CXCL13: variants seen among roughly 807,000 people sequenced by gnomAD.
The protein encoded by CXCL13 is C-X-C motif chemokine ligand 13.
Under a neutral mutation model 12.2 loss-of-function variants are expected in CXCL13, and 7 were observed. That is an observed-to-expected ratio of 0.57 (90% CI 0.33 to 1.07). CXCL13 has a LOEUF of 1.07. Among genes scored for constraint, CXCL13 ranks in the 50% least tolerant of loss-of-function variants. CXCL13 has a pLI of 0.04. For synonymous variants in CXCL13, 47 were observed against 42.4 expected, an observed-to-expected ratio of 1.11 and a Z score of -0.42; for missense variants, 113 against 127.4, an observed-to-expected ratio of 0.89 and a Z score of 0.55.
At chr4:77,512,112 A>G (rs1724291677) in intron 1 of CXCL13, among the ~76,000 whole-genome samples, 1 of 152,166 alleles carries the variant, frequency 6.6e-6, no homozygotes, top group South Asian at 2.1e-4. Flanking sequence ...AGCTCATTCG[A>G]CTTAAACTGT....
At chr4:77,568,971 G>A (rs918098823) in intron 1 of CXCL13, among the ~76,000 whole-genome samples, 6 of 152,176 alleles carry the variant, frequency 3.9e-5, no homozygotes, top group Non-Finnish European at 5.9e-5. Context: ...GAAAGACTTA[G>A]AAAAACTTCT....
intron 1 of CXCL13, among the ~76,000 whole-genome samples, chr4:77,536,179 C>T (rs1473367394): frequency 6.6e-6 from 1 of 151,980 alleles, no homozygotes; most frequent in Non-Finnish European, 1.5e-5. Flanking sequence ...GTGGAGCTGG[C>T]AAAACTGGCA....
intron 1 of CXCL13, among the ~76,000 whole-genome samples, chr4:77,546,860 T>A (rs1017497793): frequency 6.6e-6 from 1 of 152,228 alleles, no homozygotes; most frequent in African/African-American, 2.4e-5. Context: ...CTTTCCTGCT[T>A]TCTCTTATGG....
intron 1 of CXCL13, among the ~76,000 whole-genome samples, chr4:77,515,949 A>G (rs996333181): frequency 4.6e-5 from 7 of 152,194 alleles, no homozygotes; most frequent in Non-Finnish European, 4.4e-5. Context: ...TGGGTTTGTC[A>G]TAGATAGCTC....
At chr4:77,557,854 C>T (rs1315376455) in intron 1 of CXCL13, among the ~76,000 whole-genome samples, 2 of 152,190 alleles carry the variant, frequency 1.3e-5, no homozygotes, top group Non-Finnish European at 2.9e-5. Flanking sequence ...ACACAGCATA[C>T]TCACCCTGGT....
intron 1 of CXCL13, among the ~76,000 whole-genome samples, chr4:77,565,229 A>G (rs901189040): frequency 3.3e-5 from 5 of 152,230 alleles, no homozygotes; most frequent in Admixed American, 2.0e-4. Flanking sequence ...TTCTACAGCT[A>G]AAAATACACT....
chr4:77,609,538 C>T (rs1190065551), intron 2 of CXCL13, among the ~76,000 whole-genome samples: 1 of 151,984 alleles, frequency 6.6e-6, no homozygotes, highest in Non-Finnish European at 1.5e-5. Flanking sequence ...AGGCTCCTGG[C>T]CTCAAGCAAT....
At chr4:77,557,656 C>G (rs1469520502) in intron 1 of CXCL13, among the ~76,000 whole-genome samples, 2 of 152,216 alleles carry the variant, frequency 1.3e-5, no homozygotes, top group African/African-American at 4.8e-5. Context: ...CACCTGTTTT[C>G]TATTGTGTGC....
chr4:77,531,400 G>A (rs530235665), intron 1 of CXCL13, among the ~76,000 whole-genome samples: 1 of 150,146 alleles, frequency 6.7e-6, no homozygotes, highest in Admixed American at 6.7e-5. Flanking sequence ...ATTGCACTGT[G>A]GTCTGAGAGA....
At chr4:77,587,717 A>C (rs1306824260) in intron 1 of CXCL13, among the ~76,000 whole-genome samples, 1 of 152,252 alleles carries the variant, frequency 6.6e-6, no homozygotes, top group Non-Finnish European at 1.5e-5. Flanking sequence ...CCATGAAACT[A>C]GTAAGAGGAA....
chr4:77,607,499 T>A (rs561151525), intron 1 of CXCL13, among the ~76,000 whole-genome samples: 1 of 152,318 alleles, frequency 6.6e-6, no homozygotes, highest in African/African-American at 2.4e-5. Context: ...AAAGCTAACT[T>A]TATTTTTAAA....
chr4:77,543,403 G>T (rs911973686), intron 1 of CXCL13, among the ~76,000 whole-genome samples: 3 of 151,744 alleles, frequency 2.0e-5, no homozygotes, highest in Non-Finnish European at 4.4e-5. Context: ...CTAGCTTTGG[G>T]GTTAGCTCAT....
chr4:77,609,502 A>G (rs1727095203), intron 2 of CXCL13, among the ~76,000 whole-genome samples: 1 of 151,762 alleles, frequency 6.6e-6, no homozygotes, highest in South Asian at 2.1e-4. Flanking sequence ...TTATTTCTGT[A>G]GAGATGGGGT....
intron 1 of CXCL13, among the ~76,000 whole-genome samples, chr4:77,580,288 T>TA (rs1726288744): frequency 7.7e-6 from 1 of 129,236 alleles, no homozygotes; most frequent in African/African-American, 2.8e-5. Context: ...ATATATTTTT[T>TA]AAAAAGACAA....
intron 1 of CXCL13, among the ~76,000 whole-genome samples, chr4:77,548,304 G>A (rs1725425477): frequency 6.6e-6 from 1 of 152,150 alleles, no homozygotes; most frequent in Admixed American, 6.5e-5. Flanking sequence ...GAAACATTCA[G>A]CAAGGTCTTT....
chr4:77,576,586 C>G (rs941801322), intron 1 of CXCL13, among the ~76,000 whole-genome samples: 51 of 152,152 alleles, frequency 3.4e-4, no homozygotes, highest in African/African-American at 1.2e-3. Context: ...AAAAATGTCA[C>G]TTTCTGACAG....
chr4:77,606,886 T>G (rs2109837824), intron 1 of CXCL13, among the ~76,000 whole-genome samples: 1 of 152,364 alleles, frequency 6.6e-6, no homozygotes, highest in African/African-American at 2.4e-5. Flanking sequence ...TTGGCTTAGA[T>G]TTCATTAGAT....
intron 1 of CXCL13, among the ~76,000 whole-genome samples, chr4:77,555,838 A>T (rs920358576): frequency 2.0e-5 from 3 of 152,166 alleles, no homozygotes; most frequent in Non-Finnish European, 2.9e-5. Context: ...TAAAAAGATG[A>T]GAATGATCAA....
rs573763480 is a variant in CXCL13 at position 77,569,680 on chromosome 4, C to T, written c.-42-36144C>T. Among the ~76,000 whole-genome samples, 12 of 152,230 alleles carry T rather than the reference C, an allele frequency of 7.9e-5. 1 individual carries two copies. The highest frequency in any genetic ancestry group is 7.2e-4 in the Admixed American group (11 of 15,294). Reference sequence around the variant, plus strand: ...GCTCACGGATAGGAAGAATCAATATCGTTAAAATGGTCATACTGCCCAAAG... The same window carrying T: ...GCTCACGGATAGGAAGAATCAATATTGTTAAAATGGTCATACTGCCCAAAG... On this transcript the variant is annotated intron_variant, in intron 1 of 4. Coordinates refer to the CXCL13 transcript ENST00000286758.
Sources: allele counts gnomAD v4.1 joint callset (sites outside exome capture counted in the v4.1 genomes callset), GRCh38; gene constraint gnomAD v4.1.1; transcripts MANE v1.5; gene names NCBI Gene and HGNC (gene_info 2026-07-23, HGNC 2026-07-21).